The following ATP7B variants were observed in gnomAD, a reference collection of about 807,000 sequenced individuals.
The protein encoded by ATP7B is ATPase copper transporting beta.
In ATP7B, 113 loss-of-function variants were observed where a neutral mutation model predicts 118.9. The ratio of observed to expected loss-of-function variants is 0.95; its 90% CI spans 0.82 to 1.11. The LOEUF is 1.11. Among genes scored for constraint, ATP7B ranks in the 50% most tolerant of loss-of-function variants. The probability of loss-of-function intolerance (pLI) is 0.00; values close to 1 mark genes in which losing one functional copy is unlikely to be tolerated. For synonymous variants in ATP7B, 777 were observed against 727.4 expected (o/e 1.07, Z -1.10); for missense variants, 1,867 against 1,871.4 (o/e 1.00, Z 0.04).
chr13:51,983,895 C>T lies in ATP7B; in HGVS notation c.52-8727G>A, dbSNP rs145453360. On this transcript the variant is annotated intron_variant, in intron 1 of 20. Coordinates refer to ENST00000242839, the MANE Select transcript of ATP7B (RefSeq NM_000053.4). ...AACAAAAAGGACGTCCACTCAGAAA[C>T]GCCATCCGAAGGTCACCAACATCAA... Among the ~76,000 whole-genome samples, 4 of 152,202 alleles carry T rather than the reference C, an allele frequency of 2.6e-5. No homozygotes were observed. In the East Asian group the frequency reaches 7.7e-4, roughly 29 times the overall value.
rs377020436 is a variant in ATP7B at position 51,942,522 on chromosome 13, C to T, written c.3276G>A (p.Thr1092=). 52 of 1,614,058 alleles carry T rather than the reference C, an allele frequency of 3.2e-5. No homozygotes were observed. The highest frequency in any genetic ancestry group is 4.0e-5 in the Non-Finnish European group (47 of 1,180,046). ...ELGTETLGYC[T]DFQAVPGCGI... ...CACAGCCTGGCACTGCCTGGAAGTC[C>T]GTGCAGTATCCCAAGGTCTCTGTTC... Residue 1092 remains threonine, a synonymous_variant, in exon 15 of 21, where the codon ACG becomes ACA. Coordinates refer to ENST00000242839, the MANE Select transcript of ATP7B (RefSeq NM_000053.4).
chr13:51,960,755 A>C (rs1433641033), intron 6 of ATP7B, among the ~76,000 whole-genome samples: 1 of 152,246 alleles, frequency 6.6e-6, no homozygotes, highest in Non-Finnish European at 1.5e-5. Flanking sequence ...AAACTTATAC[A>C]TTCTATCTTT....
intron 12 of ATP7B, among the ~76,000 whole-genome samples, chr13:51,948,111 G>A (rs1957776430): frequency 1.3e-5 from 2 of 152,222 alleles, no homozygotes; most frequent in African/African-American, 4.8e-5. Flanking sequence ...ATGTCAGAAA[G>A]TGTTTAACTT....
chr13:51,990,118 TAATAA>T (rs1233295917), intron 1 of ATP7B, among the ~76,000 whole-genome samples: 6 of 151,798 alleles, frequency 4.0e-5, no homozygotes, highest in African/African-American at 9.7e-5. Flanking sequence ...ATTATAACAT[TAATAA>T]AATAAATGTT....
intron 3 of ATP7B, among the ~76,000 whole-genome samples, chr13:51,969,262 G>T (rs1951725504): frequency 6.6e-6 from 1 of 151,924 alleles, no homozygotes; most frequent in South Asian, 2.1e-4. Flanking sequence ...TTAAAATAGA[G>T]CTTCTGACTA....
chr13:51,936,923 G>A (rs1207070610), intron 19 of ATP7B, among the ~76,000 whole-genome samples: 1 of 152,168 alleles, frequency 6.6e-6, no homozygotes, highest in Non-Finnish European at 1.5e-5. Context: ...CAATAATTGT[G>A]CCTAGCATGT....
At chr13:51,961,091 T>G (rs1958707478) in intron 6 of ATP7B, among the ~76,000 whole-genome samples, 1 of 151,862 alleles carries the variant, frequency 6.6e-6, no homozygotes, top group Admixed American at 6.6e-5. Flanking sequence ...TCCCCAAGGG[T>G]AGCCGCCACC....
At chr13:51,966,935 T>C (rs1236430716) in intron 4 of ATP7B, 2 of 1,613,178 alleles carry the variant, frequency 1.2e-6, no homozygotes, top group African/African-American at 2.7e-5. Context: ...ACAACACAGT[T>C]TTCTTGTACC....
rs1396868043 is a variant in ATP7B, at chr13:51,946,404, G to A, written c.2940C>T (p.Cys980=). The A allele has an allele frequency of 6.2e-7, 1 of 1,614,002 alleles. No homozygotes were observed. Among genetic ancestry groups the A allele is most frequent in the African/African-American group, 1.3e-5 (1 of 74,932 alleles). ...FAFQTSITVL[C]IACPCSLGLA... is the part of the protein sequence containing the mutation. ...GCCCCAGGGAGCAGGGGCAGGCAAT[G>A]CACAGCACCGTGATGGACGTCTGGA... Residue 980 remains cysteine (C), a synonymous_variant, in exon 13 of 21, where the codon TGC becomes TGT. Transcript: ENST00000242839.
intron 9 of ATP7B, among the ~76,000 whole-genome samples, chr13:51,953,868 A>AAAAAAAAAAAAAAAAAAAAAAAAAAAAT (rs1461098056): frequency 6.7e-6 from 1 of 148,196 alleles, no homozygotes; most frequent in African/African-American, 2.5e-5. Flanking sequence ...AAAAAAAAAA[A>AAAAAAAAAAAAAAAAAAAAAAAAAAAAT]CCAGAAAATT....
chr13:51,973,831 A>G, intron 2 of ATP7B, 104 bp downstream of exon 2: 1 of 1,531,568 alleles, frequency 6.5e-7, no homozygotes, highest in African/African-American at 1.4e-5. Flanking sequence ...CACTGTTGAC[A>G]TGGGAGGCAG....
chr13:51,967,814 A>C (rs374858238), intron 4 of ATP7B, among the ~76,000 whole-genome samples: 2 of 152,376 alleles, frequency 1.3e-5, no homozygotes, highest in South Asian at 2.1e-4. Flanking sequence ...AAAGTACAGA[A>C]GTGCTTTCAA....
rs1957906357 is a variant in ATP7B at position 51,950,161 on chromosome 13, C to A, written c.2576G>T (p.Gly859Val). 1 of 1,614,028 alleles carries A rather than the reference C, an allele frequency of 6.2e-7. No homozygotes were observed. The highest frequency in any genetic ancestry group is 1.7e-5 in the Admixed American group (1 of 60,000). ...NTMADESLITGEAMPVTKKPG... is the reference protein window; with the variant it reads ...NTMADESLITVEAMPVTKKPG... ...TTTCTTAGTGACTGGCATGGCTTCT[C>A]CTAGACGTAGGAAAGAGACAACTGT... The change falls in exon 11 of 21, where the codon GGA becomes GTA. Residue 859 changes from glycine (G) to valine (V), a missense_variant and splice_region_variant. By Grantham distance (109) the Gly-to-Val change is moderately radical. Coordinates refer to ENST00000242839, the MANE Select transcript of ATP7B (RefSeq NM_000053.4).
At position 51,970,739 on chromosome 13, in the gene ATP7B, A is replaced by T. The variant is rs1490840237; in HGVS notation, c.1296T>A (p.Ser432=). ...CACTGTGGTTTCCAAGAGGGTTAGTAGAACAGCTTTCTAGGATAAAATGTC... is the reference window on the plus strand; with the variant it reads ...CACTGTGGTTTCCAAGAGGGTTAGTTGAACAGCTTTCTAGGATAAAATGTC... ...FEASVVSESC[S]TNPLGNHSAG... Residue 432 remains serine (S), a synonymous_variant, in exon 3 of 21, where the codon TCT becomes TCA. Coordinates refer to ENST00000242839, the MANE Select transcript of ATP7B (RefSeq NM_000053.4). 2 of 1,613,878 alleles carry T rather than the reference A, an allele frequency of 1.2e-6. No individual in the cohort carries two copies. The highest frequency in any genetic ancestry group is 1.7e-6 in the Non-Finnish European group (2 of 1,179,762).
At chr13:51,988,106 T>C (rs1315824052) in intron 1 of ATP7B, among the ~76,000 whole-genome samples, 3 of 151,884 alleles carry the variant, frequency 2.0e-5, no homozygotes, top group South Asian at 4.1e-4. Context: ...GAAACTATCA[T>C]CAGAGTGAAC....
Position 51,935,602 on chromosome 13 carries a change from T to C in ATP7B, c.4115A>G (p.Gln1372Arg). The C allele has an allele frequency of 5.0e-6, 8 of 1,613,436 alleles. No individual in the cohort carries two copies. Among genetic ancestry groups the C allele is most frequent in the Non-Finnish European group, 6.8e-6 (8 of 1,179,826 alleles). ...ACCTGAGGGGACTCACCACTTGAGC[T>C]GCAGGGATGAGAGCACCACAGACAC... is the stretch of plus-strand genomic sequence containing the variant. ...SSVSVVLSSL[Q>R]LKCYKKPDLE... is the part of the protein sequence containing the mutation. The change falls in exon 20 of 21, where the codon CAG becomes CGG. Residue 1372 changes from glutamine (Q) to arginine (R), a missense_variant. Transcript: ENST00000242839.
At chr13:51,983,139 G>C (rs539570537) in intron 1 of ATP7B, among the ~76,000 whole-genome samples, 1 of 152,286 alleles carries the variant, frequency 6.6e-6, no homozygotes, top group South Asian at 2.1e-4. Context: ...CACCCCTACA[G>C]AGCCCAGCAA....
At chr13:51,988,498 C>T (rs183203983) in intron 1 of ATP7B, among the ~76,000 whole-genome samples, 2 of 152,180 alleles carry the variant, frequency 1.3e-5, no homozygotes, top group South Asian at 2.1e-4. Context: ...GACAGTGTGG[C>T]GATTCCTCAA....
At chr13:51,953,928 C>A (rs556345316) in intron 9 of ATP7B, among the ~76,000 whole-genome samples, 1 of 149,836 alleles carries the variant, frequency 6.7e-6, no homozygotes, top group Non-Finnish European at 1.5e-5. Context: ...TAATATCAAG[C>A]ACACACATGC....
Sources: gnomAD v4.1 joint callset for allele counts (sites outside exome capture counted in the v4.1 genomes callset) on GRCh38, gnomAD v4.1.1 for gene constraint, MANE v1.5 for transcripts, NCBI Gene and HGNC (gene_info 2026-07-23, HGNC 2026-07-21) for gene names.